The following ADGB variants were observed in gnomAD, a reference collection of about 807,000 sequenced individuals.
The protein encoded by ADGB is calpain-7-like protein.
A neutral mutation model predicts 210.5 loss-of-function variants in ADGB; 172 were observed. The observed-to-expected ratio is 0.82, with a 90% confidence interval of 0.72 to 0.93. The LOEUF is 0.93. Ranked by LOEUF, ADGB falls within the 40% of genes least tolerant of loss-of-function variation. The pLI, the probability that ADGB is intolerant of heterozygous loss-of-function variation, is 0.00. For synonymous variants in ADGB, 658 were observed against 662.7 expected (o/e 0.99, Z 0.11); for missense variants, 2,025 against 1,964.8 (o/e 1.03, Z -0.58).
At chr6:146,740,728 G>T in intron 24 of ADGB, 135 bp downstream of exon 24, 1 of 802,584 alleles carries the variant, frequency 1.2e-6, no homozygotes, top group Non-Finnish European at 1.8e-6. Flanking sequence ...TCCACACTTG[G>T]CATTTTAAAT....
chr6:146,663,986 A>G (rs1191187912), intron 5 of ADGB, among the ~76,000 whole-genome samples: 1 of 152,118 alleles, frequency 6.6e-6, no homozygotes, highest in Non-Finnish European at 1.5e-5. Context: ...CAATATTGAT[A>G]TAGACATGGG....
intron 3 of ADGB, among the ~76,000 whole-genome samples, chr6:146,653,383 T>C (rs112206656): frequency 0.033 from 4,962 of 152,226 alleles, 240 homozygotes; most frequent in African/African-American, 0.1. Flanking sequence ...TTGTCTTCCA[T>C]TAGACTGGTC....
At chr6:146,733,551 C>G (rs1247828393) in intron 21 of ADGB, among the ~76,000 whole-genome samples, 2 of 152,162 alleles carry the variant, frequency 1.3e-5, no homozygotes, top group Admixed American at 6.5e-5. Flanking sequence ...TTGAAGAATT[C>G]TGGCAAGATC....
intron 5 of ADGB, among the ~76,000 whole-genome samples, chr6:146,660,247 A>G (rs547278922): frequency 3.5e-4 from 54 of 152,288 alleles, no homozygotes; most frequent in Non-Finnish European, 6.3e-4. Flanking sequence ...TGTTTGCAAG[A>G]TATAAACTAT....
At position 146,815,346 on chromosome 6, in the gene ADGB, T is replaced by G; in HGVS notation, c.*129T>G. 1 of 696,452 alleles carries G rather than the reference T, an allele frequency of 1.4e-6. No individual in the cohort carries two copies. Among genetic ancestry groups the G allele is most frequent in the Non-Finnish European group, 2.1e-6 (1 of 474,710 alleles). The allele number at this position is 696,452 out of a possible 1,614,324, so 43.1% of individuals were successfully genotyped here. On this transcript the variant is annotated 3_prime_UTR_variant, in exon 36 of 36. Transcript: ENST00000397944. ...TTTCTCTTTCTTAGAAATATTTTAA[T>G]GCTAACTTGTTAGTTTTCCTCAGAA...
chr6:146,698,864 A>AG (rs766147540), intron 12 of ADGB, among the ~76,000 whole-genome samples: 4 of 152,126 alleles, frequency 2.6e-5, no homozygotes, highest in African/African-American at 4.8e-5. Flanking sequence ...CTGGGACTAC[A>AG]GGCATGTTCC....
intron 1 of ADGB, among the ~76,000 whole-genome samples, chr6:146,631,211 G>A (rs898409638): frequency 6.6e-6 from 1 of 152,072 alleles, no homozygotes; most frequent in African/African-American, 2.4e-5. Flanking sequence ...CTACAGTATC[G>A]AAAAACCAAA....
chr6:146,614,191 C>CCCTTCCTCCCTTCCTTCCTCCCTT (rs1451164945), intron 1 of ADGB, among the ~76,000 whole-genome samples: 1 of 118,824 alleles, frequency 8.4e-6, no homozygotes, highest in East Asian at 3.1e-4. Flanking sequence ...CTCCCTCCCT[C>CCCTTCCTCCCTTCCTTCCTCCCTT]CCTCCCTCCC....
chr6:146,746,974 T>A (rs1777249128), intron 26 of ADGB, among the ~76,000 whole-genome samples: 1 of 152,202 alleles, frequency 6.6e-6, no homozygotes, highest in Admixed American at 6.5e-5. Flanking sequence ...AATAGTAAAC[T>A]TTGTGCTTAA....
chr6:146,648,105 A>G (rs537485044), intron 3 of ADGB, among the ~76,000 whole-genome samples: 73 of 148,150 alleles, frequency 4.9e-4, no homozygotes, highest in Non-Finnish European at 9.2e-4. Context: ...ATTTTAGGCC[A>G]AACATTTACC....
chr6:146,691,487 T>A (rs1449259584), intron 11 of ADGB, among the ~76,000 whole-genome samples, 197 bp downstream of exon 11: 4 of 16,264 alleles, frequency 2.5e-4, no homozygotes, highest in African/African-American at 3.8e-4. Context: ...AATATATATA[T>A]ATATATATAT....
Position 146,788,548 on chromosome 6 carries a change from G to C in ADGB, c.4475G>C (p.Ser1492Thr). 6.4e-7 allele frequency: 1 copy of C among 1,551,668 alleles called. No homozygotes were observed. Among genetic ancestry groups the C allele is most frequent in the Non-Finnish European group, 8.7e-7 (1 of 1,146,910 alleles). ...RDVAKSTSSE[S>T]GGVSSPGKEE... ...GTGGCAAAATCCACGAGTAGCGAAA[G>C]TGGAGGAGTGTCTTCACCAGGGAAA... Residue 1492 changes from serine to threonine, a missense_variant, in exon 33 of 36, where the codon AGT (serine) becomes ACT (threonine). Physicochemically the swap from Ser to Thr is moderately conservative, Grantham distance 58. Transcript: ENST00000397944.
chr6:146,744,644 C>T (rs1777203815), intron 25 of ADGB, among the ~76,000 whole-genome samples: 1 of 151,952 alleles, frequency 6.6e-6, no homozygotes, highest in African/African-American at 2.4e-5. Flanking sequence ...GAATTGTTTG[C>T]TCTATTTTTT....
At chr6:146,774,213 T>C (rs1777691651) in intron 29 of ADGB, among the ~76,000 whole-genome samples, 1 of 152,186 alleles carries the variant, frequency 6.6e-6, no homozygotes, top group Non-Finnish European at 1.5e-5. Flanking sequence ...ACTATTAAGA[T>C]TCTAGTGGAA....
chr6:146,699,161 T>C (rs1256390467), intron 12 of ADGB, among the ~76,000 whole-genome samples: 1 of 152,136 alleles, frequency 6.6e-6, no homozygotes, highest in Admixed American at 6.6e-5. Flanking sequence ...TATAGATATA[T>C]GACAGGAGGT....
chr6:146,681,457 G>A (rs1438667261), intron 9 of ADGB, among the ~76,000 whole-genome samples: 4 of 152,024 alleles, frequency 2.6e-5, no homozygotes, highest in Non-Finnish European at 5.9e-5. Context: ...CCAGTCTCAG[G>A]TATCTCTTTA....
chr6:146,731,270 C>T (rs1776981977), intron 20 of ADGB, among the ~76,000 whole-genome samples: 1 of 151,812 alleles, frequency 6.6e-6, no homozygotes, highest in African/African-American at 2.4e-5. Context: ...TGCCCCCACC[C>T]TTAAGTAAAC....
In ADGB at chr6:146,680,843, C is replaced by T. The variant is rs147549744; in HGVS notation, c.1216+4402C>T. ...GAACATACAAAATTGAAAAAGAAGG[C>T]TATTTCTTTACCACAATTAATTGGA... On this transcript the variant is annotated intron_variant, in intron 9 of 35. Transcript: ENST00000397944. Among the ~76,000 whole-genome samples, 14 of 152,136 alleles carry T rather than the reference C, an allele frequency of 9.2e-5. No homozygotes were observed. The East Asian group carries it at 2.1e-3, about 23-fold the overall frequency.
chr6:146,733,129 CT>C lies in ADGB; in HGVS notation c.2533del (p.Ser845ProfsTer5). ...AATTTATGTGTTTCAGGTTTTTCAT[CT>C]TTCCTTATGGCGTTTAATGAAAAAA... is the stretch of plus-strand genomic sequence containing the variant. ...LTAQHFRVFH[L>X]SLWRLMKKVQ... On this transcript the variant is annotated frameshift_variant, in exon 21 of 36. Coordinates refer to ENST00000397944, the MANE Select transcript of ADGB (RefSeq NM_024694.4). LOFTEE classifies it high-confidence loss of function. 4 of 1,514,240 alleles carry C rather than the reference CT, an allele frequency of 2.6e-6. No individual in the cohort carries two copies. Among genetic ancestry groups the C allele is most frequent in the Non-Finnish European group, 3.5e-6 (4 of 1,129,058 alleles). The allele number at this position is 1,514,240 out of a possible 1,614,324, so 93.8% of individuals were successfully genotyped here.
Sources: allele counts gnomAD v4.1 joint callset (sites outside exome capture counted in the v4.1 genomes callset), GRCh38; gene constraint gnomAD v4.1.1; transcripts MANE v1.5; gene names NCBI Gene and HGNC (gene_info 2026-07-23, HGNC 2026-07-21).